The following OPRM1 variants were observed in gnomAD, a reference collection of about 807,000 sequenced individuals.
OPRM1 encodes the protein mu-type opioid receptor.
A neutral mutation model predicts 31.8 loss-of-function variants in OPRM1; 27 were observed. The ratio of observed to expected loss-of-function variants is 0.85; its 90% CI spans 0.63 to 1.17. The LOEUF (loss-of-function observed/expected upper bound fraction) is 1.17, where lower values mean the gene tolerates loss of function less well. Among genes scored for constraint, OPRM1 ranks in the 50% most tolerant of loss-of-function variants. The probability of loss-of-function intolerance (pLI) is 0.00; values close to 1 mark genes in which losing one functional copy is unlikely to be tolerated. For missense variants in OPRM1, 536 were observed against 511.1 expected (o/e 1.05, Z -0.47); for synonymous variants, 196 against 189.9 (o/e 1.03, Z -0.26).
intron 3 of OPRM1, among the ~76,000 whole-genome samples, chr6:154,109,792 CTGTGTGTGTGTGTGTGTG>C (rs377400514): frequency 3.0e-5 from 3 of 101,200 alleles, no homozygotes; most frequent in East Asian, 5.5e-4. Context: ...CTCTCTCTCT[CTGTGTGTGTGTGTGTGTG>C]TGTGTGTGTG....
chr6:154,207,994 T>C (rs1207496452), intron 3 of OPRM1, among the ~76,000 whole-genome samples: 1 of 152,238 alleles, frequency 6.6e-6, no homozygotes, highest in African/African-American at 2.4e-5. Context: ...CGCTGCCATC[T>C]TTTGCAATAG....
At chr6:154,224,569 G>A (rs937223231) in intron 3 of OPRM1, among the ~76,000 whole-genome samples, 8 of 152,090 alleles carry the variant, frequency 5.3e-5, no homozygotes, top group Admixed American at 1.3e-4. Flanking sequence ...ATATTAGCTG[G>A]TCATGGTGGT....
intron 3 of OPRM1, among the ~76,000 whole-genome samples, chr6:154,143,464 G>C (rs1034852501): frequency 1.3e-5 from 2 of 152,162 alleles, no homozygotes; most frequent in Non-Finnish European, 2.9e-5. Context: ...TCTTCATCAG[G>C]ACAAGAAAGA....
At chr6:154,068,430 A>G (rs988494060) in intron 1 of OPRM1, among the ~76,000 whole-genome samples, 1 of 151,976 alleles carries the variant, frequency 6.6e-6, no homozygotes, top group African/African-American at 2.4e-5. Context: ...AATTTTGTAG[A>G]TTTCTCATTT....
chr6:154,186,852 G>A (rs1222620972), intron 3 of OPRM1, among the ~76,000 whole-genome samples: 1 of 152,032 alleles, frequency 6.6e-6, no homozygotes, highest in Non-Finnish European at 1.5e-5. Context: ...CACCACGCCC[G>A]GCCCAGAGCA....
chr6:154,040,851 G>C (rs1051492032), intron 1 of OPRM1, among the ~76,000 whole-genome samples: 3 of 152,184 alleles, frequency 2.0e-5, no homozygotes, highest in African/African-American at 7.2e-5. Flanking sequence ...GATTGATATT[G>C]ATTGTGTTGG....
At chr6:154,209,241 A>T (rs868087796) in intron 3 of OPRM1, among the ~76,000 whole-genome samples, 1 of 152,200 alleles carries the variant, frequency 6.6e-6, no homozygotes, top group Non-Finnish European at 1.5e-5. Flanking sequence ...ATCACCCAAA[A>T]TAAAATTTTA....
chr6:154,051,241 T>C (rs1782133423), intron 1 of OPRM1, among the ~76,000 whole-genome samples: 1 of 152,218 alleles, frequency 6.6e-6, no homozygotes, highest in African/African-American at 2.4e-5. Flanking sequence ...ACAAAATCCT[T>C]ACTCTAATTT....
At chr6:154,156,180 A>C (rs375259757) in intron 3 of OPRM1, 2 of 152,304 alleles carry the variant, frequency 1.3e-5, no homozygotes, top group African/African-American at 4.8e-5. Flanking sequence ...TGAAACCCCA[A>C]TCCATAGACA....
At chr6:154,064,363 G>A (rs1784954718) in intron 1 of OPRM1, among the ~76,000 whole-genome samples, 1 of 152,016 alleles carries the variant, frequency 6.6e-6, no homozygotes, top group Admixed American at 6.6e-5. Context: ...TGAGTTTTGG[G>A]AGTTCTCTAT....
At chr6:154,228,943 T>C (rs868120661) in intron 3 of OPRM1, among the ~76,000 whole-genome samples, 4 of 152,150 alleles carry the variant, frequency 2.6e-5, no homozygotes, top group Admixed American at 6.5e-5. Flanking sequence ...GCAAGGCAGG[T>C]TGCCTCCTGC....
intron 3 of OPRM1, among the ~76,000 whole-genome samples, chr6:154,145,990 A>G (rs1334989260): frequency 6.6e-6 from 1 of 152,260 alleles, no homozygotes; most frequent in African/African-American, 2.4e-5. Context: ...GTATTCAAAA[A>G]GTATCATACT....
chr6:154,047,629 T>C (rs1458167322), intron 1 of OPRM1, among the ~76,000 whole-genome samples: 1 of 152,210 alleles, frequency 6.6e-6, no homozygotes, highest in Non-Finnish European at 1.5e-5. Flanking sequence ...TCCCATAAGA[T>C]GAAGTGTGTG....
chr6:154,100,135 TA>T (rs1562472535), intron 3 of OPRM1, among the ~76,000 whole-genome samples: 16 of 101,568 alleles, frequency 1.6e-4, no homozygotes, highest in Non-Finnish European at 2.5e-4. Context: ...TTATGACATA[TA>T]ATATATATTA....
chr6:154,088,879 G>A (rs879718018), intron 1 of OPRM1, among the ~76,000 whole-genome samples: 1 of 152,100 alleles, frequency 6.6e-6, no homozygotes, highest in African/African-American at 2.4e-5. Flanking sequence ...ACACACATCA[G>A]GCCATTCCAA....
At chr6:154,140,788 G>A (rs544322693) in intron 3 of OPRM1, among the ~76,000 whole-genome samples, 4 of 152,292 alleles carry the variant, frequency 2.6e-5, no homozygotes, top group Admixed American at 2.0e-4. Flanking sequence ...GCAGGAGAAG[G>A]CACCCTTTCT....
At position 154,119,154 on chromosome 6, in the gene OPRM1, C is replaced by A; in HGVS notation, c.*433C>A. ...ATCAAAGCACCTTGAATGGAAGGTC[C>A]GAGTCTTTTTAGTGTTTTGCAAGGG... is the stretch of plus-strand genomic sequence containing the variant. On this transcript the variant is annotated 3_prime_UTR_variant, in exon 4 of 4. Transcript: ENST00000330432. The A allele has an allele frequency of 4.0e-6, 4 of 988,838 alleles. No homozygotes were observed. The highest frequency in any genetic ancestry group is 4.8e-6 in the Non-Finnish European group (4 of 832,046). 61.3% of individuals were successfully genotyped at this position (988,838 alleles called of 1,614,324 possible).
chr6:154,148,663 G>A (rs1798418219), intron 3 of OPRM1, among the ~76,000 whole-genome samples: 1 of 152,144 alleles, frequency 6.6e-6, no homozygotes, highest in Non-Finnish European at 1.5e-5. Context: ...ACCTCCACAA[G>A]GCTCTCCCCC....
At chr6:154,175,985 G>A (rs963719313) in intron 3 of OPRM1, among the ~76,000 whole-genome samples, 5 of 152,054 alleles carry the variant, frequency 3.3e-5, no homozygotes, top group South Asian at 2.1e-4. Context: ...CAATCAAGTC[G>A]GCTTCATCCC....
Sources: allele counts gnomAD v4.1 joint callset (sites outside exome capture counted in the v4.1 genomes callset), GRCh38; gene constraint gnomAD v4.1.1; transcripts MANE v1.5; gene names NCBI Gene and HGNC (gene_info 2026-07-23, HGNC 2026-07-21).